TRPM3: variants seen among roughly 807,000 people sequenced by gnomAD.
TRPM3 encodes the protein long transient receptor potential channel 3.
In TRPM3, 77 loss-of-function variants were observed where a neutral mutation model predicts 181.2. The observed-to-expected ratio is 0.42, with a 90% CI of 0.35 to 0.51. The LOEUF (loss-of-function observed/expected upper bound fraction) is 0.51, where lower values mean the gene tolerates loss of function less well. TRPM3 is among the 20% of genes least tolerant of loss of function. TRPM3 has a pLI of 0.01. For missense variants in TRPM3, 1,759 were observed against 2,196.7 expected (o/e 0.80, Z 3.98); for synonymous variants, 745 against 796.4 (o/e 0.94, Z 1.09).
chr9:71,106,667 T>G (rs1173644597), intron 1 of TRPM3, among the ~76,000 whole-genome samples: 2 of 152,194 alleles, frequency 1.3e-5, no homozygotes, highest in Non-Finnish European at 2.9e-5. Context: ...CTGCTCACTA[T>G]TCCCTTTGCC....
At chr9:70,905,021 G>A (rs562829276) in intron 1 of TRPM3, among the ~76,000 whole-genome samples, 2 of 152,222 alleles carry the variant, frequency 1.3e-5, no homozygotes, top group East Asian at 3.9e-4. Flanking sequence ...ACTTTCAAGG[G>A]GCAGATGCCA....
intron 22 of TRPM3, among the ~76,000 whole-genome samples, chr9:70,587,950 CT>C (rs2132474555): frequency 6.6e-6 from 1 of 152,294 alleles, no homozygotes; most frequent in Non-Finnish European, 1.5e-5. Flanking sequence ...GTCACTGTCC[CT>C]TCCCCAGGTT....
chr9:70,843,792 TA>T (rs11292766), intron 4 of TRPM3, among the ~76,000 whole-genome samples: 86,123 of 151,872 alleles, frequency 0.57, 24,782 homozygotes, highest in Non-Finnish European at 0.58. Context: ...CTTACCTTTT[TA>T]AAAACCATTT....
chr9:70,599,618 T>G (rs892218472), intron 20 of TRPM3, among the ~76,000 whole-genome samples: 2 of 152,196 alleles, frequency 1.3e-5, no homozygotes, highest in Non-Finnish European at 2.9e-5. Context: ...TTGTACTTAT[T>G]CCTTCTGTTC....
At chr9:71,341,409 G>C (rs1234258146) in intron 1 of TRPM3, among the ~76,000 whole-genome samples, 4 of 152,072 alleles carry the variant, frequency 2.6e-5, no homozygotes, top group African/African-American at 7.2e-5. Flanking sequence ...TGTACATCTG[G>C]TATGATACAC....
intron 24 of TRPM3, 99 bp downstream of exon 24, chr9:70,552,745 G>T: frequency 8.0e-7 from 1 of 1,245,716 alleles, no homozygotes; most frequent in Non-Finnish European, 1.2e-6. Context: ...CCTGCAAGAG[G>T]TAGGAGGAAC....
Position 70,625,693 on chromosome 9 carries a change from C to T in TRPM3, c.1633-176G>A. Among the ~76,000 whole-genome samples the T allele has an allele frequency of 6.6e-6, 1 of 152,210 alleles. No individual in the cohort carries two copies. Among genetic ancestry groups the T allele is most frequent in the Non-Finnish European group, 1.5e-5 (1 of 68,010 alleles). ...CTCCCAGGCACTAGGAACTAGGTTT[C>T]CCCAGATGCTCCCCAAGCCCGCATT... On this transcript the variant is annotated intron_variant, in intron 12 of 25. Transcript: ENST00000677713. The surrounding 1 kb of genome is among the most constrained non-coding windows in gnomAD (Gnocchi z 4.8).
intron 1 of TRPM3, among the ~76,000 whole-genome samples, chr9:71,067,957 A>T (rs559937447): frequency 1.3e-5 from 2 of 152,296 alleles, no homozygotes; most frequent in East Asian, 3.9e-4. Flanking sequence ...TGAGGAGCTC[A>T]GAAACTCTCT....
chr9:71,326,249 T>C (rs984855706), intron 1 of TRPM3, among the ~76,000 whole-genome samples: 1 of 152,188 alleles, frequency 6.6e-6, no homozygotes, highest in Non-Finnish European at 1.5e-5. Flanking sequence ...TATTTATTAA[T>C]AATTTAGAAG....
intron 1 of TRPM3, among the ~76,000 whole-genome samples, chr9:70,935,789 A>G (rs1014120196): frequency 6.6e-6 from 1 of 152,134 alleles, no homozygotes; most frequent in African/African-American, 2.4e-5. Context: ...GAAGTGGCAG[A>G]TTTTTTCCCC....
chr9:70,831,946 T>C (rs1372674695), intron 5 of TRPM3, among the ~76,000 whole-genome samples: 1 of 131,434 alleles, frequency 7.6e-6, no homozygotes, highest in African/African-American at 2.8e-5. Context: ...TATCAAAACA[T>C]TTTATGTACC....
At chr9:71,221,430 T>C (rs984571840) in intron 1 of TRPM3, among the ~76,000 whole-genome samples, 1 of 152,218 alleles carries the variant, frequency 6.6e-6, no homozygotes, top group Non-Finnish European at 1.5e-5. Context: ...ATAATTTTAA[T>C]ATTTTAATCT....
intron 1 of TRPM3, among the ~76,000 whole-genome samples, chr9:70,921,279 C>G (rs2096650484): frequency 6.6e-6 from 1 of 152,200 alleles, no homozygotes; most frequent in Admixed American, 6.5e-5. Flanking sequence ...CTGTTTTGTA[C>G]TGCCTTTAGA....
intron 9 of TRPM3, among the ~76,000 whole-genome samples, chr9:70,642,933 G>A (rs897644237): frequency 1.7e-4 from 26 of 152,186 alleles, no homozygotes; most frequent in African/African-American, 5.5e-4. Context: ...CTGGGGCCAT[G>A]ATTTGAGTAA....
intron 1 of TRPM3, among the ~76,000 whole-genome samples, chr9:71,042,809 G>A (rs767514433): frequency 5.3e-5 from 8 of 152,118 alleles, no homozygotes; most frequent in Non-Finnish European, 1.2e-4. Flanking sequence ...AAGGAAAAAC[G>A]TAATTTAAAT....
intron 1 of TRPM3, among the ~76,000 whole-genome samples, chr9:70,991,390 C>T (rs2097482868): frequency 6.6e-6 from 1 of 152,120 alleles, no homozygotes; most frequent in African/African-American, 2.4e-5. Flanking sequence ...TCCCACATAT[C>T]ATTTATAGTC....
At chr9:70,664,258 C>A (rs1285470183) in intron 9 of TRPM3, among the ~76,000 whole-genome samples, 13 of 152,112 alleles carry the variant, frequency 8.5e-5, no homozygotes, top group Admixed American at 8.5e-4. Flanking sequence ...TACTAAATCC[C>A]TAATTTTTCA....
intron 9 of TRPM3, among the ~76,000 whole-genome samples, chr9:70,668,420 T>C (rs1342247467): frequency 1.3e-5 from 2 of 152,108 alleles, no homozygotes; most frequent in Non-Finnish European, 1.5e-5. Flanking sequence ...ATCCCAGCAC[T>C]TTGGGAGGCC....
intron 1 of TRPM3, among the ~76,000 whole-genome samples, chr9:71,267,323 A>G (rs962946426): frequency 7.2e-5 from 11 of 152,214 alleles, no homozygotes; most frequent in African/African-American, 2.7e-4. Context: ...AAAGTTATTC[A>G]TGTTTACCCT....
Sources: allele counts gnomAD v4.1 joint callset (sites outside exome capture counted in the v4.1 genomes callset), GRCh38; gene constraint gnomAD v4.1.1; non-coding constraint Gnocchi (gnomAD v3.1); transcripts MANE v1.5; gene names NCBI Gene and HGNC (gene_info 2026-07-23, HGNC 2026-07-21).